ENTPD1: variants seen among roughly 807,000 people sequenced by gnomAD.
The protein encoded by ENTPD1 is ATP diphosphohydrolase.
Under a neutral mutation model 57.0 loss-of-function variants are expected in ENTPD1, and 33 were observed. The observed-to-expected ratio is 0.58, with a 90% confidence interval of 0.44 to 0.77. The LOEUF (loss-of-function observed/expected upper bound fraction) is 0.77, where lower values mean the gene tolerates loss of function less well. Among genes scored for constraint, ENTPD1 ranks in the 30% least tolerant of loss-of-function variants. ENTPD1 has a pLI of 0.00. For synonymous variants in ENTPD1, 202 were observed against 218.8 expected, an observed-to-expected ratio of 0.92 and a Z score of 0.68; for missense variants, 501 against 603.4, an observed-to-expected ratio of 0.83 and a Z score of 1.78.
At chr10:95,755,969 CA>C (rs2098021550), upstream of ENTPD1, 67 of 1,463,016 alleles carry the variant, frequency 4.6e-5, 1 homozygote, top group East Asian at 1.7e-3. Context: ...TTCAAGGATG[CA>C]AAAAATTACA....
intron 1 of ENTPD1, among the ~76,000 whole-genome samples, chr10:95,801,522 T>G (rs1377653965): frequency 1.3e-5 from 2 of 152,086 alleles, no homozygotes; most frequent in Non-Finnish European, 2.9e-5. Flanking sequence ...TGTGTGGCCT[T>G]ATTTCTGGGT....
intron 8 of ENTPD1, among the ~76,000 whole-genome samples, chr10:95,860,960 AG>A (rs1395416402): frequency 1.3e-5 from 2 of 152,218 alleles, no homozygotes; most frequent in Non-Finnish European, 2.9e-5. Flanking sequence ...AGGTCAGAAA[AG>A]GGGTCGAACC....
At chr10:95,773,365 G>A (rs2098122221) in intron 1 of ENTPD1, among the ~76,000 whole-genome samples, 1 of 152,166 alleles carries the variant, frequency 6.6e-6, no homozygotes, top group Non-Finnish European at 1.5e-5. Context: ...CTTCATCAGA[G>A]CTCTTGGATG....
rs886121555 is a variant in ENTPD1, at chr10:95,871,680, A to G, written c.*5297A>G. ...TGTCTTTTGCATTGCTCTATTTTAC[A>G]TAAATTAAGTTATAAATTGACACTA... On this transcript the variant is annotated 3_prime_UTR_variant, in exon 10 of 10. Coordinates refer to ENST00000371205, the MANE Select transcript of ENTPD1 (RefSeq NM_001776.6). 7.9e-5 allele frequency: 78 copies of G among 985,438 alleles called. No homozygotes were observed. The African/African-American group carries it at 1.3e-3, about 17-fold the overall frequency. The allele number at this position is 985,438 out of a possible 1,614,324, so 61.0% of individuals were successfully genotyped here.
chr10:95,832,904 T>G (rs1406690038), intron 2 of ENTPD1, among the ~76,000 whole-genome samples: 1 of 152,238 alleles, frequency 6.6e-6, no homozygotes, highest in Non-Finnish European at 1.5e-5. Context: ...CTACCTGCTT[T>G]AATGAAGATA....
At chr10:95,756,043 C>G (rs184095655), upstream of ENTPD1, 22 of 1,477,804 alleles carry the variant, frequency 1.5e-5, no homozygotes, top group Non-Finnish European at 2.0e-5. Context: ...GTCAATCTGT[C>G]CTTTCTAGTC....
intron 1 of ENTPD1, among the ~76,000 whole-genome samples, chr10:95,772,774 G>T (rs902104522): frequency 3.9e-5 from 6 of 152,130 alleles, no homozygotes; most frequent in Non-Finnish European, 5.9e-5. Context: ...TGTCCAGAAG[G>T]CTTTCAATTT....
chr10:95,732,685 G>T (rs916138182), intron 1 of ENTPD1, among the ~76,000 whole-genome samples: 1 of 152,058 alleles, frequency 6.6e-6, no homozygotes, highest in Non-Finnish European at 1.5e-5. Context: ...TTGGTCAGTC[G>T]GAGAAATAAA....
chr10:95,810,911 A>G (rs1338317405), intron 1 of ENTPD1, among the ~76,000 whole-genome samples: 1 of 152,206 alleles, frequency 6.6e-6, no homozygotes, highest in Non-Finnish European at 1.5e-5. Context: ...GTCATTCTGA[A>G]ATATCAGTAG....
At chr10:95,767,175 G>T (rs568513052) in intron 1 of ENTPD1, among the ~76,000 whole-genome samples, 169 of 151,716 alleles carry the variant, frequency 1.1e-3, no homozygotes, top group Middle Eastern at 6.8e-3. Context: ...AATTAGCCGG[G>T]CGTGGTGGTG....
intron 1 of ENTPD1, among the ~76,000 whole-genome samples, chr10:95,764,192 A>G (rs754405406): frequency 5.3e-5 from 8 of 152,190 alleles, no homozygotes; most frequent in Non-Finnish European, 1.2e-4. Flanking sequence ...GTCCTAGGAA[A>G]ACACCAATCT....
chr10:95,760,736 C>T (rs573539622), intron 1 of ENTPD1, among the ~76,000 whole-genome samples: 2 of 149,578 alleles, frequency 1.3e-5, no homozygotes, highest in South Asian at 2.1e-4. Context: ...TTAATCGCAC[C>T]AACTACTGTC....
In ENTPD1 at chr10:95,872,727, G is replaced by A. The variant is rs1401683769; in HGVS notation, c.*6344G>A. 17 of 985,304 alleles carry A rather than the reference G, an allele frequency of 1.7e-5. No homozygotes were observed. Among genetic ancestry groups the A allele is most frequent in the South Asian group, 4.7e-5 (1 of 21,296 alleles). The allele number at this position is 985,304 out of a possible 1,614,324, so 61.0% of individuals were successfully genotyped here. ...CAACCTCCCTGTCCACTGCCAGGCC[G>A]ACTACAAACCCTTCTGTTGCTGGCG... is the stretch of plus-strand genomic sequence containing the variant. On this transcript the variant is annotated 3_prime_UTR_variant, in exon 10 of 10. Coordinates refer to ENST00000371205, the MANE Select transcript of ENTPD1 (RefSeq NM_001776.6).
chr10:95,875,867 C>G lies in ENTPD1; in HGVS notation c.*9484C>G, dbSNP rs916379041. 3 of 467,282 alleles carry G rather than the reference C, an allele frequency of 6.4e-6. No individual in the cohort carries two copies. Among genetic ancestry groups the G allele is most frequent in the Admixed American group, 6.4e-5 (1 of 15,620 alleles). The allele number at this position is 467,282 out of a possible 1,614,324, so 28.9% of individuals were successfully genotyped here. A position where few individuals can be genotyped will look rare whatever the true frequency, so the allele number is the denominator to read the frequency against. ...ATCACAAGAATAGCATGGGAAAGAC[C>G]AGCCCCCTTGATTCAATTACCTCCC... On this transcript the variant is annotated 3_prime_UTR_variant, in exon 10 of 10. Transcript: ENST00000371205.
intron 2 of ENTPD1, among the ~76,000 whole-genome samples, chr10:95,828,865 C>T (rs1362990837): frequency 6.6e-6 from 1 of 152,118 alleles, no homozygotes; most frequent in Non-Finnish European, 1.5e-5. Flanking sequence ...CACACGCCAC[C>T]ACACCCGGCT....
intron 1 of ENTPD1, among the ~76,000 whole-genome samples, chr10:95,819,203 G>A (rs1589995727): frequency 6.6e-6 from 1 of 152,252 alleles, no homozygotes; most frequent in Non-Finnish European, 1.5e-5. Flanking sequence ...TCACTCTGTT[G>A]CCCAGGCTAG....
In ENTPD1 at chr10:95,872,109, ACTGTTATTGCT is replaced by A. The variant is rs2098481163; in HGVS notation, c.*5728_*5738del. The A allele has an allele frequency of 1.0e-6, 1 of 985,250 alleles. No individual in the cohort carries two copies. The allele number at this position is 985,250 out of a possible 1,614,324, so 61.0% of individuals were successfully genotyped here. ...CTTTTTTATTTCTCCTTCTAATATT[ACTGTTATTGCT>A]CCAGTAAAGAGCTGTAATATATTTT... is the stretch of plus-strand genomic sequence containing the variant. On this transcript the variant is annotated 3_prime_UTR_variant, in exon 10 of 10. Transcript: ENST00000371205.
chr10:95,725,647 G>A (rs2097982809), intron 1 of ENTPD1, among the ~76,000 whole-genome samples: 1 of 152,144 alleles, frequency 6.6e-6, no homozygotes, highest in Admixed American at 6.5e-5. Flanking sequence ...CACTTTAGGA[G>A]AGGTTGTGTT....
intron 2 of ENTPD1, among the ~76,000 whole-genome samples, chr10:95,826,571 C>CAAAAAA (rs35615283): frequency 3.7e-5 from 4 of 107,968 alleles, no homozygotes; most frequent in African/African-American, 7.2e-5. Context: ...GACGCCAACT[C>CAAAAAA]AAAAAAAAAA....
Sources: allele counts gnomAD v4.1 joint callset (sites outside exome capture counted in the v4.1 genomes callset), GRCh38; gene constraint gnomAD v4.1.1; transcripts MANE v1.5; gene names NCBI Gene and HGNC (gene_info 2026-07-23, HGNC 2026-07-21).